The following DTHD1 variants were observed in gnomAD, a reference collection of about 807,000 sequenced individuals.
DTHD1 encodes death domain containing 1.
Under a neutral mutation model 74.8 loss-of-function variants are expected in DTHD1, and 59 were observed. That is an observed-to-expected ratio of 0.79 (90% CI 0.64 to 0.98). DTHD1 has a LOEUF of 0.98. Ranked by LOEUF, DTHD1 falls within the 50% of genes least tolerant of loss-of-function variation. The pLI is 0.00. For synonymous variants in DTHD1, 365 were observed against 371.1 expected, an observed-to-expected ratio of 0.98 and a Z score of 0.19; for missense variants, 1,051 against 1,065.4, an observed-to-expected ratio of 0.99 and a Z score of 0.19.
intron 8 of DTHD1, among the ~76,000 whole-genome samples, chr4:36,332,583 A>T (rs1380152618): frequency 2.3e-5 from 3 of 131,408 alleles, no homozygotes; most frequent in Non-Finnish European, 4.8e-5. Flanking sequence ...TTCTACAGTG[A>T]CATCAGCTTA....
Position 36,290,375 on chromosome 4 carries a change from A to C in DTHD1, c.890A>C (p.Tyr297Ser). The C allele has an allele frequency of 6.5e-7, 1 of 1,544,540 alleles. No individual in the cohort carries two copies. Among genetic ancestry groups the C allele is most frequent in the South Asian group, 1.2e-5 (1 of 83,708 alleles). ...KHKNNIMEKE[Y>S]LDVLSDVTGP... ...TGACATTCTTTTTCCCCCTCCAGGTATCTTGATGTGCTGAGTGATGTTACT... is the reference window on the plus strand; with the variant it reads ...TGACATTCTTTTTCCCCCTCCAGGTCTCTTGATGTGCTGAGTGATGTTACT... Residue 297 changes from tyrosine (Y) to serine (S), a missense_variant and splice_region_variant, in exon 3 of 10, where the codon TAT (tyrosine) becomes TCT (serine). Tyr to Ser is a moderately radical substitution (Grantham distance 144). Transcript: ENST00000639862.
chr4:36,297,085 G>T (rs752632103), intron 5 of DTHD1, among the ~76,000 whole-genome samples: 8 of 152,128 alleles, frequency 5.3e-5, no homozygotes, highest in Non-Finnish European at 1.2e-4. Context: ...TATTCATTAA[G>T]TGGAAGTGGA....
At chr4:36,297,936 A>G (rs891770854) in intron 5 of DTHD1, among the ~76,000 whole-genome samples, 1 of 137,240 alleles carries the variant, frequency 7.3e-6, no homozygotes, top group South Asian at 2.5e-4. Context: ...GTGTGTGTGC[A>G]CGTGTGTGTG....
intron 2 of DTHD1, among the ~76,000 whole-genome samples, chr4:36,286,759 G>A (rs1434496859): frequency 6.6e-6 from 1 of 152,140 alleles, no homozygotes; most frequent in Non-Finnish European, 1.5e-5. Context: ...CCACAGACCT[G>A]TAAAGTATGT....
chr4:36,302,559 A>G (rs1432741744), intron 5 of DTHD1, among the ~76,000 whole-genome samples: 1 of 152,234 alleles, frequency 6.6e-6, no homozygotes, highest in Non-Finnish European at 1.5e-5. Context: ...ATATGGCAAT[A>G]TTTATGACAT....
chr4:36,318,612 CTTTTTTTTTTT>C (rs397992934), intron 8 of DTHD1, among the ~76,000 whole-genome samples: 1 of 111,804 alleles, frequency 8.9e-6, no homozygotes, highest in Non-Finnish European at 1.7e-5. Context: ...TTTTTCTTTT[CTTTTTTTTTTT>C]TTTTTTTTTG....
chr4:36,301,158 G>C (rs752114668), intron 5 of DTHD1, among the ~76,000 whole-genome samples: 7 of 152,144 alleles, frequency 4.6e-5, no homozygotes, highest in Non-Finnish European at 7.3e-5. Flanking sequence ...AGATGTAATT[G>C]TGCACTGTTA....
intron 4 of DTHD1, 60 bp downstream of exon 4, chr4:36,293,765 G>A: frequency 1.5e-6 from 2 of 1,345,362 alleles, no homozygotes; most frequent in Non-Finnish European, 2.0e-6. Context: ...ATCAAGCATG[G>A]TTCTAAACAA....
At chr4:36,336,277 A>T (rs1759005003) in intron 8 of DTHD1, among the ~76,000 whole-genome samples, 1 of 152,240 alleles carries the variant, frequency 6.6e-6, no homozygotes, top group Non-Finnish European at 1.5e-5. Context: ...ACATTAACAT[A>T]AAACAGAGTA....
rs1398346287 is a variant in DTHD1 at position 36,346,495 on chromosome 4, T to C, written c.*2671T>C. 6.6e-6 allele frequency among the ~76,000 whole-genome samples: 1 copy of C among 151,958 alleles called. No homozygotes were observed. The highest frequency in any genetic ancestry group is 1.5e-5 in the Non-Finnish European group (1 of 67,990). ...ATAAAAAGGTACATAGAGAAAACAA[T>C]TGATCATCCCTGCAGCATCTCCTCT... is the stretch of plus-strand genomic sequence containing the variant. On this transcript the variant is annotated 3_prime_UTR_variant, in exon 10 of 10. Coordinates refer to ENST00000639862, the MANE Select transcript of DTHD1 (RefSeq NM_001170700.3).
chr4:36,341,867 T>C (rs1759332793), intron 9 of DTHD1, among the ~76,000 whole-genome samples: 1 of 152,100 alleles, frequency 6.6e-6, no homozygotes, highest in African/African-American at 2.4e-5. Flanking sequence ...GGGATCACTA[T>C]AGTAGTGATG....
rs143328624 is a variant in DTHD1, at chr4:36,300,063, A to G, written c.1643+5024A>G. 6.2e-3 allele frequency among the ~76,000 whole-genome samples: 937 copies of G among 152,266 alleles called. 11 individuals are homozygous for G. The highest frequency in any genetic ancestry group is 0.037 in the East Asian group (192 of 5,190). On this transcript the variant is annotated intron_variant, in intron 5 of 9. Transcript: ENST00000639862. ...TATTTTTGGGATACTGTCCTTTATT[A>G]AACTTTTCATATATAGTTGTTTTCA... is the stretch of plus-strand genomic sequence containing the variant.
rs376079497 is a variant in DTHD1, at chr4:36,293,559, G to T, written c.1252G>T (p.Gly418Cys). 1.9e-6 allele frequency: 3 copies of T among 1,545,586 alleles called. No homozygotes were observed. ...TCASVKVYKL[G>C]IFSVVSCLKK... ...TGCTTCAGTAAAAGTTTACAAATTG[G>T]GTATCTTTTCTGTTGTGTCTTGTTT... Residue 418 changes from glycine to cysteine, a missense_variant, in exon 4 of 10, where the codon GGT becomes TGT. Transcript: ENST00000639862.
chr4:36,311,316 A>C (rs901559237), intron 7 of DTHD1: 1 of 152,178 alleles, frequency 6.6e-6, no homozygotes, highest in African/African-American at 2.4e-5. Context: ...TTCTCTGCCT[A>C]AGAGGGAAAA....
chr4:36,316,149 A>G, intron 7 of DTHD1, 93 bp from the exon 8 acceptor site: 4 of 1,165,752 alleles, frequency 3.4e-6, no homozygotes, highest in Non-Finnish European at 4.7e-6. Context: ...GTTAGCCAGG[A>G]TGGTCTCGAT....
rs551254604 is a variant in DTHD1, at chr4:36,320,468, T to C, written c.2340+3982T>C. Among the ~76,000 whole-genome samples, 4 of 152,362 alleles carry C rather than the reference T, an allele frequency of 2.6e-5. No individual in the cohort carries two copies. The East Asian group carries it at 7.7e-4, about 29-fold the overall frequency. On this transcript the variant is annotated intron_variant, in intron 8 of 9. Coordinates refer to ENST00000639862, the MANE Select transcript of DTHD1 (RefSeq NM_001170700.3). ...TAATCCTGAAACTATATTGGCATGT[T>C]TAAAAATAGTACATTTAAACTTCTG...
chr4:36,294,892 A>G lies in DTHD1; in HGVS notation c.1496A>G (p.His499Arg), dbSNP rs1363164441. 29 of 1,551,938 alleles carry G rather than the reference A, an allele frequency of 1.9e-5. No homozygotes were observed. The highest frequency in any genetic ancestry group is 2.4e-5 in the Non-Finnish European group (28 of 1,146,822). ...ACAAGCCCTCTGATTCACATTCAGC[A>G]CCCATCAACTTATCCTTTTCAGAAG... ...QSTSPLIHIQ[H>R]PSTYPFQKPV... is the part of the protein sequence containing the mutation. Residue 499 changes from histidine to arginine, a missense_variant, in exon 5 of 10, where the codon CAC (histidine) becomes CGC (arginine). By Grantham distance (29) the His-to-Arg change is conservative. Transcript: ENST00000639862.
chr4:36,318,049 A>G (rs1463753178), intron 8 of DTHD1, among the ~76,000 whole-genome samples: 1 of 152,258 alleles, frequency 6.6e-6, no homozygotes, highest in Non-Finnish European at 1.5e-5. Context: ...CAAATACTTA[A>G]CATGCATTGT....
chr4:36,324,505 A>T (rs1279417490), intron 8 of DTHD1, among the ~76,000 whole-genome samples: 1 of 152,214 alleles, frequency 6.6e-6, no homozygotes, highest in Non-Finnish European at 1.5e-5. Flanking sequence ...ATAAGTAAAA[A>T]GTTATGCTCA....
Sources: allele counts gnomAD v4.1 joint callset (sites outside exome capture counted in the v4.1 genomes callset), GRCh38; gene constraint gnomAD v4.1.1; transcripts MANE v1.5; gene names NCBI Gene and HGNC (gene_info 2026-07-23, HGNC 2026-07-21).